The following TENM3 variants were observed in gnomAD, a reference collection of about 807,000 sequenced individuals.
The protein encoded by TENM3 is teneurin transmembrane protein 3.
Under a neutral mutation model 255.1 loss-of-function variants are expected in TENM3, and 63 were observed. The ratio of observed to expected loss-of-function variants is 0.25; its 90% confidence interval spans 0.20 to 0.30. TENM3 has a LOEUF of 0.30. TENM3 is among the 10% of genes least tolerant of loss of function. TENM3 has a pLI of 1.00. For synonymous variants in TENM3, 1,306 were observed against 1,322.3 expected (o/e 0.99, Z 0.27); for missense variants, 2,929 against 3,461.1 (o/e 0.85, Z 3.86).
chr4:181,532,629 C>T, the TENM3 span, among the ~76,000 whole-genome samples: 27 of 152,178 alleles, frequency 1.8e-4, no homozygotes, highest in African/African-American at 5.6e-4. Context: ...TCAAGTCTTT[C>T]TGAGTGTGCC....
the TENM3 span, among the ~76,000 whole-genome samples, chr4:182,052,695 G>A: frequency 6.6e-6 from 1 of 152,066 alleles, no homozygotes; most frequent in East Asian, 1.9e-4. Flanking sequence ...TACTCTGGGC[G>A]AGTCAGTCAT....
At chr4:181,706,043 C>T in the TENM3 span, among the ~76,000 whole-genome samples, 2 of 152,162 alleles carry the variant, frequency 1.3e-5, no homozygotes, top group Non-Finnish European at 2.9e-5. Flanking sequence ...TTTATTTTCT[C>T]ACCATCCTGG....
intron 3 of TENM3, among the ~76,000 whole-genome samples, chr4:182,531,759 A>G (rs1739798116): frequency 6.6e-6 from 1 of 152,186 alleles, no homozygotes; most frequent in South Asian, 2.1e-4. Context: ...CTCCGTGGGC[A>G]GGTTTTTACT....
chr4:182,168,157 C>A (rs1053427853), intron 1 of TENM3, among the ~76,000 whole-genome samples: 5 of 150,192 alleles, frequency 3.3e-5, no homozygotes, highest in Admixed American at 6.7e-5. Flanking sequence ...TTTTTCGAGA[C>A]AGGGTCTCAC....
chr4:182,258,433 T>A (rs1302978123), intron 1 of TENM3, among the ~76,000 whole-genome samples: 1 of 152,176 alleles, frequency 6.6e-6, no homozygotes, highest in Non-Finnish European at 1.5e-5. Flanking sequence ...AAGAACAATG[T>A]CAGTACATAC....
intron 19 of TENM3, 148 bp from the exon 20 acceptor site, chr4:182,751,652 T>G (rs1762377915): frequency 1.7e-6 from 1 of 605,706 alleles, no homozygotes; most frequent in African/African-American, 1.9e-5. Context: ...GAGTCATTAT[T>G]AAATAGACAG....
intron 3 of TENM3, among the ~76,000 whole-genome samples, chr4:182,597,145 G>T (rs2152402741): frequency 6.6e-6 from 1 of 152,332 alleles, no homozygotes; most frequent in East Asian, 1.9e-4. Flanking sequence ...CCTCACACCT[G>T]CAGTCTCAGT....
At chr4:182,101,188 G>GGAAAGA in the TENM3 span, among the ~76,000 whole-genome samples, 7 of 5,010 alleles carry the variant, frequency 1.4e-3, 3 homozygotes, top group Admixed American at 5.3e-3. Flanking sequence ...GGAAAGAAGG[G>GGAAAGA]AGGGAGGAAG....
At chr4:182,263,404 T>TAGAGGC (rs879818191) in intron 1 of TENM3, among the ~76,000 whole-genome samples, 4 of 152,018 alleles carry the variant, frequency 2.6e-5, no homozygotes, top group Admixed American at 1.3e-4. Context: ...TTAGGAGGGT[T>TAGAGGC]AGAGGCCCCT....
At chr4:182,661,757 T>C (rs1754249641) in intron 6 of TENM3, among the ~76,000 whole-genome samples, 1 of 152,202 alleles carries the variant, frequency 6.6e-6, no homozygotes. Context: ...ATGCCCAACC[T>C]TGCTTCCTGA....
the TENM3 span, among the ~76,000 whole-genome samples, chr4:181,494,986 A>G: frequency 1.3e-5 from 2 of 152,084 alleles, no homozygotes; most frequent in Non-Finnish European, 2.9e-5. Flanking sequence ...TTTTTCTTGC[A>G]TGTTCAACTC....
the TENM3 span, among the ~76,000 whole-genome samples, chr4:182,081,422 A>G: frequency 2.0e-5 from 3 of 151,942 alleles, no homozygotes; most frequent in South Asian, 4.2e-4. Context: ...CATCTCTACT[A>G]AAACTATAAA....
At chr4:181,948,367 T>G in the TENM3 span, among the ~76,000 whole-genome samples, 1 of 152,174 alleles carries the variant, frequency 6.6e-6, no homozygotes, top group Admixed American at 6.5e-5. Flanking sequence ...TTAGACAAAT[T>G]TATCAGCTGG....
chr4:181,566,521 G>T, the TENM3 span, among the ~76,000 whole-genome samples: 421 of 152,100 alleles, frequency 2.8e-3, 2 homozygotes, highest in African/African-American at 9.3e-3. Context: ...ATCAGTTTGA[G>T]ATTTTCCTCT....
At chr4:181,583,029 C>T in the TENM3 span, among the ~76,000 whole-genome samples, 4 of 152,192 alleles carry the variant, frequency 2.6e-5, no homozygotes, top group Admixed American at 6.5e-5. Flanking sequence ...CATGCACACA[C>T]ACACATCTTT....
the TENM3 span, chr4:181,522,675 G>A: frequency 6.3e-6 from 4 of 638,996 alleles, no homozygotes; most frequent in Non-Finnish European, 1.2e-5. Flanking sequence ...GCAGAATGAT[G>A]TGGACATAGC....
At chr4:181,726,395 T>TA in the TENM3 span, among the ~76,000 whole-genome samples, 1 of 152,206 alleles carries the variant, frequency 6.6e-6, no homozygotes, top group East Asian at 1.9e-4. Context: ...ATATACGCTT[T>TA]ATACTAACAC....
At chr4:181,460,141 T>C in the TENM3 span, among the ~76,000 whole-genome samples, 2 of 151,958 alleles carry the variant, frequency 1.3e-5, no homozygotes, top group African/African-American at 4.8e-5. Flanking sequence ...AGAAATACAA[T>C]TGACATTTGC....
chr4:182,726,791 T>C (rs1284624769), intron 13 of TENM3, among the ~76,000 whole-genome samples: 1 of 152,214 alleles, frequency 6.6e-6, no homozygotes, highest in Non-Finnish European at 1.5e-5. Context: ...TACCTTACCG[T>C]GTTGTTGCTG....
Sources: allele counts gnomAD v4.1 joint callset (sites outside exome capture counted in the v4.1 genomes callset), GRCh38; gene constraint gnomAD v4.1.1; transcripts MANE v1.5; gene names NCBI Gene and HGNC (gene_info 2026-07-23, HGNC 2026-07-21).